DNAJC1: variants seen among roughly 807,000 people sequenced by gnomAD.
The protein encoded by DNAJC1 is DnaJ heat shock protein family (Hsp40) member C1.
A neutral mutation model predicts 76.6 loss-of-function variants in DNAJC1; 58 were observed. That is an observed-to-expected ratio of 0.76 (90% CI 0.61 to 0.94). The LOEUF (loss-of-function observed/expected upper bound fraction) is 0.94, where lower values mean the gene tolerates loss of function less well. Among genes scored for constraint, DNAJC1 ranks in the 40% least tolerant of loss-of-function variants. The pLI, the probability that DNAJC1 is intolerant of heterozygous loss-of-function variation, is 0.00. For missense variants in DNAJC1, 689 were observed against 677.3 expected, an observed-to-expected ratio of 1.02 and a Z score of -0.19; for synonymous variants, 258 against 267.9, an observed-to-expected ratio of 0.96 and a Z score of 0.36.
chr10:21,953,796 G>C (rs1837635561), intron 1 of DNAJC1, among the ~76,000 whole-genome samples: 1 of 113,414 alleles, frequency 8.8e-6, no homozygotes, highest in South Asian at 2.9e-4. Context: ...CTGCCATCAA[G>C]TGGTAAAAAA....
chr10:21,766,331 A>T, intron 9 of DNAJC1, 22 bp from the exon 10 acceptor site: 1 of 1,606,560 alleles, frequency 6.2e-7, no homozygotes, highest in South Asian at 1.1e-5. Flanking sequence ...CATAAAAGCA[A>T]AAATCTTACT....
chr10:21,772,418 T>C (rs1430557493), intron 9 of DNAJC1, among the ~76,000 whole-genome samples: 2 of 152,016 alleles, frequency 1.3e-5, no homozygotes, highest in Non-Finnish European at 2.9e-5. Flanking sequence ...TAAGTCTATC[T>C]ATTAAAATGG....
At chr10:21,893,524 G>A (rs1363582564) in intron 7 of DNAJC1, among the ~76,000 whole-genome samples, 2 of 151,914 alleles carry the variant, frequency 1.3e-5, no homozygotes, top group Non-Finnish European at 2.9e-5. Context: ...CTACTCAGGA[G>A]GCTGAGGTGA....
At chr10:21,779,173 G>A (rs897816936) in intron 9 of DNAJC1, among the ~76,000 whole-genome samples, 15 of 152,198 alleles carry the variant, frequency 9.9e-5, no homozygotes, top group African/African-American at 2.4e-4. Flanking sequence ...CTGGGGACAC[G>A]GCACAGACAA....
intron 1 of DNAJC1, among the ~76,000 whole-genome samples, chr10:21,949,710 C>T (rs1020842272): frequency 7.9e-5 from 12 of 152,114 alleles, no homozygotes; most frequent in Middle Eastern, 3.4e-3. Flanking sequence ...AGCCACCGCA[C>T]CCGGCCAATA....
intron 6 of DNAJC1, among the ~76,000 whole-genome samples, chr10:21,909,222 C>T (rs186293768): frequency 7.0e-4 from 107 of 152,274 alleles, no homozygotes; most frequent in Non-Finnish European, 1.2e-3. Context: ...TCAAAACCTG[C>T]CTTCATAGAC....
intron 8 of DNAJC1, among the ~76,000 whole-genome samples, chr10:21,809,105 T>A (rs1834925318): frequency 6.6e-6 from 1 of 152,170 alleles, no homozygotes; most frequent in South Asian, 2.1e-4. Flanking sequence ...AAAGATTTGG[T>A]GTCTCTGAAA....
At chr10:21,869,623 T>G (rs552789048) in intron 8 of DNAJC1, among the ~76,000 whole-genome samples, 19 of 152,232 alleles carry the variant, frequency 1.2e-4, no homozygotes, top group African/African-American at 4.6e-4. Flanking sequence ...AGAATAAACC[T>G]CTTTAAATAT....
At chr10:21,874,247 C>T (rs762109537) in intron 8 of DNAJC1, among the ~76,000 whole-genome samples, 14 of 151,792 alleles carry the variant, frequency 9.2e-5, no homozygotes, top group Non-Finnish European at 1.9e-4. Flanking sequence ...GAGATGCCGT[C>T]CAAACAAAAA....
chr10:21,783,240 A>G (rs1440060740), intron 9 of DNAJC1, among the ~76,000 whole-genome samples: 1 of 152,210 alleles, frequency 6.6e-6, no homozygotes, highest in East Asian at 1.9e-4. Context: ...AATCACAAGC[A>G]TTCTTATACA....
intron 1 of DNAJC1, among the ~76,000 whole-genome samples, chr10:21,940,928 C>T (rs1590058934): frequency 6.6e-6 from 1 of 151,656 alleles, no homozygotes; most frequent in Non-Finnish European, 1.5e-5. Flanking sequence ...AGAGAGAGGA[C>T]AGACAGTTTT....
intron 1 of DNAJC1, among the ~76,000 whole-genome samples, chr10:21,962,257 G>A (rs1326232865): frequency 1.3e-5 from 2 of 151,888 alleles, no homozygotes; most frequent in African/African-American, 4.8e-5. Flanking sequence ...AACAGTGCCA[G>A]GCACATAGTA....
At chr10:21,951,812 C>G (rs554647475) in intron 1 of DNAJC1, among the ~76,000 whole-genome samples, 2 of 152,274 alleles carry the variant, frequency 1.3e-5, no homozygotes, top group Non-Finnish European at 2.9e-5. Flanking sequence ...CTTTGTTACA[C>G]AATTAAAAGC....
intron 7 of DNAJC1, among the ~76,000 whole-genome samples, chr10:21,902,838 T>C (rs1836681169): frequency 6.6e-6 from 1 of 152,206 alleles, no homozygotes; most frequent in African/African-American, 2.4e-5. Flanking sequence ...AAAAATTACA[T>C]AGAAATGATA....
intron 1 of DNAJC1, among the ~76,000 whole-genome samples, chr10:21,934,988 C>T (rs1361138337): frequency 2.6e-5 from 4 of 152,016 alleles, no homozygotes; most frequent in Admixed American, 2.6e-4. Flanking sequence ...CTAGACAACA[C>T]CAACTATAAT....
intron 1 of DNAJC1, among the ~76,000 whole-genome samples, chr10:21,978,353 A>G (rs1228356534): frequency 6.6e-6 from 1 of 152,158 alleles, no homozygotes; most frequent in Non-Finnish European, 1.5e-5. Flanking sequence ...ATACACTGAT[A>G]AAGTATAGAA....
intron 8 of DNAJC1, among the ~76,000 whole-genome samples, chr10:21,851,858 T>C (rs1038028060): frequency 2.6e-5 from 4 of 151,758 alleles, no homozygotes; most frequent in Non-Finnish European, 4.4e-5. Context: ...ATCGATACCA[T>C]CCTGGCTAAC....
intron 7 of DNAJC1, among the ~76,000 whole-genome samples, chr10:21,887,402 T>A (rs1218791695): frequency 2.6e-5 from 4 of 151,940 alleles, no homozygotes; most frequent in Non-Finnish European, 4.4e-5. Context: ...AAAATTCATA[T>A]GAAATGAAAA....
At chr10:21,859,530 T>C (rs183048776) in intron 8 of DNAJC1, among the ~76,000 whole-genome samples, 2 of 152,288 alleles carry the variant, frequency 1.3e-5, no homozygotes, top group Admixed American at 1.3e-4. Flanking sequence ...AACAGTTTTC[T>C]ACTATGGTAT....
Sources: gnomAD v4.1 joint callset for allele counts (sites outside exome capture counted in the v4.1 genomes callset) on GRCh38, gnomAD v4.1.1 for gene constraint, MANE v1.5 for transcripts, NCBI Gene and HGNC (gene_info 2026-07-23, HGNC 2026-07-21) for gene names.